The following PTPRU variants were observed in gnomAD, a reference collection of about 807,000 sequenced individuals.
PTPRU encodes the protein protein tyrosine phosphatase receptor type U, also known as receptor-type tyrosine-protein phosphatase U.
A neutral mutation model predicts 166.3 loss-of-function variants in PTPRU; 69 were observed. The ratio of observed to expected loss-of-function variants is 0.41; its 90% CI spans 0.34 to 0.51. PTPRU has a LOEUF of 0.51. Ranked by LOEUF, PTPRU falls within the 20% of genes least tolerant of loss-of-function variation. The pLI is 0.09. For missense variants in PTPRU, 1,657 were observed against 2,013.7 expected (o/e 0.82, Z 3.39); for synonymous variants, 793 against 814.0 (o/e 0.97, Z 0.44).
At chr1:29,256,019 C>T (rs1684758632) in intron 2 of PTPRU, among the ~76,000 whole-genome samples, 1 of 152,178 alleles carries the variant, frequency 6.6e-6, no homozygotes, top group Non-Finnish European at 1.5e-5. Context: ...ACACTCATTC[C>T]AGAGTCACGA....
chr1:29,283,919 G>T (rs758225683), intron 12 of PTPRU, 21 bp from the exon 13 acceptor site: 2 of 1,614,032 alleles, frequency 1.2e-6, no homozygotes, highest in Admixed American at 3.3e-5. Flanking sequence ...GCAACGCTGA[G>T]ACCCCCATCT....
chr1:29,253,558 A>G (rs1684645814), intron 1 of PTPRU, among the ~76,000 whole-genome samples: 1 of 152,186 alleles, frequency 6.6e-6, no homozygotes, highest in Non-Finnish European at 1.5e-5. Context: ...AGGGTTTTAT[A>G]TATATAAATA....
At chr1:29,247,678 G>T (rs1684360934) in intron 1 of PTPRU, among the ~76,000 whole-genome samples, 1 of 152,238 alleles carries the variant, frequency 6.6e-6, no homozygotes, top group Non-Finnish European at 1.5e-5. Context: ...CTGGCATCCA[G>T]CCCTGGCCTG....
At chr1:29,248,226 G>A (rs1277903432) in intron 1 of PTPRU, among the ~76,000 whole-genome samples, 1 of 152,144 alleles carries the variant, frequency 6.6e-6, no homozygotes, top group Non-Finnish European at 1.5e-5. Context: ...AAATGCATGA[G>A]ACGTGGTCCT....
intron 1 of PTPRU, among the ~76,000 whole-genome samples, chr1:29,243,619 G>A (rs570046435): frequency 2.0e-5 from 3 of 152,286 alleles, no homozygotes; most frequent in Admixed American, 6.5e-5. Flanking sequence ...GCCCTCTCCC[G>A]GTGCAGTTGG....
intron 15 of PTPRU, among the ~76,000 whole-genome samples, chr1:29,292,815 G>GTTTTTT (rs774242717): frequency 2.3e-5 from 3 of 132,986 alleles, no homozygotes; most frequent in South Asian, 2.4e-4. Flanking sequence ...AAATTGTTGT[G>GTTTTTT]TTTTTTTTTT....
intron 18 of PTPRU, among the ~76,000 whole-genome samples, chr1:29,306,275 C>T (rs1015931027): frequency 6.6e-6 from 1 of 152,088 alleles, no homozygotes; most frequent in African/African-American, 2.4e-5. Context: ...GGAAGAGGGG[C>T]GAGGCGGGAC....
At position 29,291,112 on chromosome 1, in the gene PTPRU, C is replaced by T. The variant is rs1311788570; in HGVS notation, c.2319-757C>T. ...CTTCGAAGTCACAAACTGCCATCCT[C>T]ATCCGTGAAGCTGGGCCTGGAGGGA... On this transcript the variant is annotated intron_variant, in intron 14 of 29. Transcript: ENST00000373779. The surrounding 1 kb of genome is among the most constrained non-coding windows in gnomAD (Gnocchi z 4.1). 6.6e-6 allele frequency among the ~76,000 whole-genome samples: 1 copy of T among 152,238 alleles called. No individual in the cohort carries two copies. The highest frequency in any genetic ancestry group is 2.4e-5 in the African/African-American group (1 of 41,464).
At chr1:29,307,005 C>T (rs1351828827) in intron 18 of PTPRU, 8 of 1,126,936 alleles carry the variant, frequency 7.1e-6, no homozygotes, top group Admixed American at 5.9e-5. Flanking sequence ...TGCCCGTCTC[C>T]GCTCTGCCTG....
At position 29,304,840 on chromosome 1, in the gene PTPRU, A is replaced by C. The variant is rs1438142081; in HGVS notation, c.2734A>C (p.Met912Leu). The change falls in exon 17 of 30, where the codon ATG (methionine) becomes CTG (leucine). Residue 912 changes from methionine to leucine, a missense_variant. Met to Leu is a conservative substitution (Grantham distance 15, BLOSUM62 2). Coordinates refer to ENST00000373779, the MANE Select transcript of PTPRU (RefSeq NM_133178.4). ...DKVKGSRQEP[M>L]PAYDRHRVKL... ...GGTCAAGGGCAGCCGGCAGGAGCCA[A>C]TGCCTGCCTGTGAGTCCTGGGGAAG... 6.2e-7 allele frequency: 1 copy of C among 1,610,124 alleles called. No individual in the cohort carries two copies. The highest frequency in any genetic ancestry group is 2.2e-5 in the East Asian group (1 of 44,762).
chr1:29,259,274 C>T lies in PTPRU; in HGVS notation c.491C>T (p.Ala164Val), dbSNP rs762761318. Reference protein sequence around the residue: ...WPNEYQVLFEALISPDRRGYM... With the variant: ...WPNEYQVLFEVLISPDRRGYM... ...CGCCTCCCCCAGGTGCTGTTTGAGG[C>T]CCTCATCTCCCCAGACCGCAGGGGC... The change falls in exon 4 of 30, where the codon GCC (alanine) becomes GTC (valine). Residue 164 changes from alanine (A) to valine (V), a missense_variant. Coordinates refer to ENST00000373779, the MANE Select transcript of PTPRU (RefSeq NM_133178.4). 5 of 1,613,598 alleles carry T rather than the reference C, an allele frequency of 3.1e-6. No homozygotes were observed. In the South Asian group the frequency reaches 5.5e-5, roughly 18 times the overall value.
chr1:29,274,931 T>A (rs968200851), intron 7 of PTPRU, among the ~76,000 whole-genome samples: 2 of 151,270 alleles, frequency 1.3e-5, no homozygotes, highest in Non-Finnish European at 2.9e-5. Context: ...ACGCCTGTAA[T>A]CCCAGCTACT....
chr1:29,302,909 C>G (rs1314152233), intron 15 of PTPRU, among the ~76,000 whole-genome samples: 2 of 152,120 alleles, frequency 1.3e-5, no homozygotes, highest in African/African-American at 4.8e-5. Flanking sequence ...TACATAAATA[C>G]TTACCATTGT....
Position 29,325,949 on chromosome 1 carries a change from G to A in PTPRU, c.*288G>A. 4.4e-6 allele frequency: 2 copies of A among 459,098 alleles called. No homozygotes were observed. Among genetic ancestry groups the A allele is most frequent in the Non-Finnish European group, 7.6e-6 (2 of 264,712 alleles). 28.4% of individuals were successfully genotyped at this position (459,098 alleles called of 1,614,324 possible). A position where few individuals can be genotyped will look rare whatever the true frequency, so the allele number is the denominator to read the frequency against. On this transcript the variant is annotated 3_prime_UTR_variant, in exon 30 of 30. Coordinates refer to ENST00000373779, the MANE Select transcript of PTPRU (RefSeq NM_133178.4). ...GAGGCCTGGTGCTGCCTGGCAGAGT[G>A]ACAAAGGCTCAGGACGGCTGGCTCT... is the stretch of plus-strand genomic sequence containing the variant.
chr1:29,310,694 G>A, intron 18 of PTPRU, 50 bp from the exon 19 acceptor site: 2 of 1,573,466 alleles, frequency 1.3e-6, no homozygotes, highest in Non-Finnish European at 8.7e-7. Flanking sequence ...GTGTGGGGGA[G>A]TGAGGGGCTA....
chr1:29,318,331 A>T (rs1687994937), intron 25 of PTPRU, among the ~76,000 whole-genome samples: 1 of 152,140 alleles, frequency 6.6e-6, no homozygotes, highest in Admixed American at 6.5e-5. Context: ...TGGGACAGTG[A>T]TCTCTGGCCC....
chr1:29,269,221 T>A (rs6701953), intron 7 of PTPRU, among the ~76,000 whole-genome samples: 19,059 of 43,528 alleles, frequency 0.44, 3,343 homozygotes, highest in Middle Eastern at 0.53. Flanking sequence ...TTTATATACA[T>A]ATATATATAT....
At chr1:29,278,418 T>G (rs1489538761) in intron 8 of PTPRU, among the ~76,000 whole-genome samples, 5 of 152,206 alleles carry the variant, frequency 3.3e-5, no homozygotes, top group Non-Finnish European at 7.3e-5. Context: ...CCATTAACAG[T>G]ATACATTTAC....
chr1:29,241,024 G>C (rs1684030413), intron 1 of PTPRU, among the ~76,000 whole-genome samples: 1 of 152,208 alleles, frequency 6.6e-6, no homozygotes, highest in East Asian at 1.9e-4. Context: ...CATCTGGGCA[G>C]TCAGAGTGGG....
Sources: allele counts gnomAD v4.1 joint callset (sites outside exome capture counted in the v4.1 genomes callset), GRCh38; gene constraint gnomAD v4.1.1; non-coding constraint Gnocchi (gnomAD v3.1); transcripts MANE v1.5; gene names NCBI Gene and HGNC (gene_info 2026-07-23, HGNC 2026-07-21).